Variants in ATXN1 observed in about 807,000 individuals in gnomAD.
The protein encoded by ATXN1 is ataxin 1.
A neutral mutation model predicts 56.4 loss-of-function variants in ATXN1; 8 were observed. The ratio of observed to expected loss-of-function variants is 0.14; its 90% CI spans 0.08 to 0.26. The LOEUF (loss-of-function observed/expected upper bound fraction) is 0.26. Among genes scored for constraint, ATXN1 ranks in the 10% least tolerant of loss-of-function variants. The pLI is 1.00. For synonymous variants in ATXN1, 514 were observed against 494.6 expected (o/e 1.04, Z -0.52); for missense variants, 987 against 1,106.5 (o/e 0.89, Z 1.53).
chr6:16,429,111 T>A (rs1759223059), intron 6 of ATXN1, among the ~76,000 whole-genome samples: 1 of 152,044 alleles, frequency 6.6e-6, no homozygotes, highest in Non-Finnish European at 1.5e-5. Flanking sequence ...ACCTGTTCCC[T>A]CCTCACTAGG....
At chr6:16,383,938 T>A (rs1011141367) in intron 6 of ATXN1, among the ~76,000 whole-genome samples, 1 of 152,182 alleles carries the variant, frequency 6.6e-6, no homozygotes, top group Non-Finnish European at 1.5e-5. Flanking sequence ...TGCCAGCCTG[T>A]GAACAAAAGA....
At chr6:16,439,639 A>G (rs972901568) in intron 6 of ATXN1, among the ~76,000 whole-genome samples, 3 of 152,168 alleles carry the variant, frequency 2.0e-5, no homozygotes, top group African/African-American at 7.2e-5. Context: ...TTTGTTTTTC[A>G]AAGCACTTTG....
intron 3 of ATXN1, among the ~76,000 whole-genome samples, chr6:16,643,339 G>GT (rs1374768903): frequency 1.3e-5 from 2 of 151,702 alleles, no homozygotes; most frequent in African/African-American, 4.8e-5. Context: ...CTACAGAAAT[G>GT]TAAGCCTGGC....
chr6:16,580,611 G>A (rs986876568), intron 4 of ATXN1, among the ~76,000 whole-genome samples: 1 of 152,120 alleles, frequency 6.6e-6, no homozygotes, highest in African/African-American at 2.4e-5. Flanking sequence ...TTTCATGAGA[G>A]TTATTACAAC....
chr6:16,754,420 A>G (rs1028061172), intron 1 of ATXN1, among the ~76,000 whole-genome samples: 2 of 152,200 alleles, frequency 1.3e-5, no homozygotes, highest in Non-Finnish European at 2.9e-5. Flanking sequence ...GAAAGAAACT[A>G]TTCTGGAGCT....
intron 5 of ATXN1, among the ~76,000 whole-genome samples, chr6:16,496,589 T>C (rs1308826334): frequency 6.6e-6 from 1 of 152,128 alleles, no homozygotes; most frequent in Non-Finnish European, 1.5e-5. Context: ...TGCTGCAATT[T>C]CAATGCAAAT....
intron 3 of ATXN1, among the ~76,000 whole-genome samples, chr6:16,639,532 T>C (rs923855534): frequency 6.6e-6 from 1 of 152,192 alleles, no homozygotes. Context: ...AGGCTGGTTC[T>C]TGAACTCCCA....
Position 16,673,535 on chromosome 6 carries a change from G to A in ATXN1, c.-614-15634C>T, listed in dbSNP as rs143146876. Among the ~76,000 whole-genome samples, 16 of 152,266 alleles carry A rather than the reference G, an allele frequency of 1.1e-4. 1 individual carries two copies. In the East Asian group the frequency reaches 3.1e-3, roughly 29 times the overall value. On this transcript the variant is annotated intron_variant, in intron 2 of 7. Coordinates refer to ENST00000436367, the MANE Select transcript of ATXN1 (RefSeq NM_001128164.2). Reference sequence around the variant, plus strand: ...TGAGAAGGAAAGGGTCTAAGGCAGGGTTTCTCAACTCCAGCACTATTAACA... The same window carrying A: ...TGAGAAGGAAAGGGTCTAAGGCAGGATTTCTCAACTCCAGCACTATTAACA...
chr6:16,567,886 C>T (rs949637177), intron 4 of ATXN1, among the ~76,000 whole-genome samples: 4 of 152,196 alleles, frequency 2.6e-5, no homozygotes, highest in African/African-American at 9.6e-5. Flanking sequence ...TGAATTATGT[C>T]TCTGTATTGA....
chr6:16,307,675 CAAAA>C (rs60689654), intron 7 of ATXN1, among the ~76,000 whole-genome samples: 1 of 95,000 alleles, frequency 1.1e-5, no homozygotes, highest in Non-Finnish European at 2.2e-5. Context: ...GACTCCGTCT[CAAAA>C]AAAAAAAAAA....
intron 6 of ATXN1, among the ~76,000 whole-genome samples, chr6:16,359,006 GTC>G (rs1318318332): frequency 2.6e-5 from 4 of 152,238 alleles, no homozygotes; most frequent in African/African-American, 7.2e-5. Context: ...GGACCTGGGC[GTC>G]TCTGCAGCCT....
rs1472951228 is a variant in ATXN1 at position 16,736,968 on chromosome 6, A to G, written c.-615+16265T>C. 5.3e-5 allele frequency: 8 copies of G among 152,358 alleles called. No homozygotes were observed. In the East Asian group the frequency reaches 1.5e-3, roughly 29 times the overall value. The allele number at this position is 152,358 out of a possible 1,614,324, so 9.4% of individuals were successfully genotyped here. ...TGCTCCTTCACAGAGACTGGTAAAT[A>G]AAGAATGTATGCACAAAACACCTGG... On this transcript the variant is annotated intron_variant, in intron 2 of 7. Transcript: ENST00000436367.
At chr6:16,362,658 G>A (rs982080007) in intron 6 of ATXN1, among the ~76,000 whole-genome samples, 4 of 152,142 alleles carry the variant, frequency 2.6e-5, no homozygotes, top group Non-Finnish European at 4.4e-5. Flanking sequence ...AGACACTTTC[G>A]GAGCCTGTAA....
At chr6:16,409,688 T>C (rs945124067) in intron 6 of ATXN1, among the ~76,000 whole-genome samples, 5 of 151,882 alleles carry the variant, frequency 3.3e-5, no homozygotes, top group Non-Finnish European at 7.4e-5. Context: ...ACTTGCCGTT[T>C]ATGCAATTTC....
intron 3 of ATXN1, among the ~76,000 whole-genome samples, chr6:16,617,995 T>C (rs1763250771): frequency 6.6e-6 from 1 of 151,668 alleles, no homozygotes; most frequent in South Asian, 2.1e-4. Flanking sequence ...CTACAATAAA[T>C]TGTGGGTAAA....
chr6:16,501,714 G>T (rs1217274643), intron 5 of ATXN1, among the ~76,000 whole-genome samples: 1 of 152,026 alleles, frequency 6.6e-6, no homozygotes, highest in Non-Finnish European at 1.5e-5. Flanking sequence ...TCTTTATCCA[G>T]TCTATCATTG....
intron 7 of ATXN1, among the ~76,000 whole-genome samples, chr6:16,307,317 A>C (rs1296056875): frequency 6.6e-6 from 1 of 152,188 alleles, no homozygotes; most frequent in East Asian, 1.9e-4. Flanking sequence ...TCAGAGTGAG[A>C]CTGTGAGTTC....
chr6:16,380,827 G>A (rs923550224), intron 6 of ATXN1, among the ~76,000 whole-genome samples: 2 of 152,170 alleles, frequency 1.3e-5, no homozygotes, highest in Non-Finnish European at 2.9e-5. Context: ...GGCAGGCATT[G>A]TTATGGGCTG....
rs772327735 is a variant in ATXN1 at position 16,327,840 on chromosome 6, A to G, written c.471T>C (p.Ser157=). 2 of 1,608,286 alleles carry G rather than the reference A, an allele frequency of 1.2e-6. No homozygotes were observed. Among genetic ancestry groups the G allele is most frequent in the East Asian group, 2.2e-5 (1 of 44,862 alleles). The change falls in exon 7 of 8, where the codon AGT becomes AGC. Residue 157 remains serine, a synonymous_variant. Coordinates refer to ENST00000436367, the MANE Select transcript of ATXN1 (RefSeq NM_001128164.2). ...TGGCCCCTGCGGCCGAGGCCACTGC[A>G]CTGGTGACGGGGTTGGCGGTTGGGG... ...LIPPTANPVT[S]AVASAAGATT... is the part of the protein sequence containing the mutation.
Sources: allele counts gnomAD v4.1 joint callset (sites outside exome capture counted in the v4.1 genomes callset), GRCh38; gene constraint gnomAD v4.1.1; transcripts MANE v1.5; gene names NCBI Gene and HGNC (gene_info 2026-07-23, HGNC 2026-07-21).